Variants in NTRK3 observed in about 807,000 individuals in gnomAD.
NTRK3 encodes NT-3 growth factor receptor.
A neutral mutation model predicts 91.7 loss-of-function variants in NTRK3; 24 were observed. The ratio of observed to expected loss-of-function variants is 0.26; its 90% confidence interval spans 0.19 to 0.37. The LOEUF (loss-of-function observed/expected upper bound fraction) is 0.37, where lower values mean the gene tolerates loss of function less well. Ranked by LOEUF, NTRK3 falls within the 10% of genes least tolerant of loss-of-function variation. NTRK3 has a pLI of 1.00. For missense variants in NTRK3, 880 were observed against 1,068.9 expected (o/e 0.82, Z 2.46); for synonymous variants, 483 against 404.0 (o/e 1.20, Z -2.34).
At chr15:88,147,834 T>C (rs938709111) in intron 5 of NTRK3, among the ~76,000 whole-genome samples, 1 of 152,142 alleles carries the variant, frequency 6.6e-6, no homozygotes, top group African/African-American at 2.4e-5. Context: ...TACAATTCCT[T>C]TTAGCCAGTG....
intron 14 of NTRK3, among the ~76,000 whole-genome samples, chr15:88,025,047 CCACACA>C (rs147158442): frequency 6.6e-6 from 1 of 150,790 alleles, no homozygotes; most frequent in East Asian, 1.9e-4. Flanking sequence ...ACGTGTGTGG[CCACACA>C]CACACACACA....
intron 13 of NTRK3, among the ~76,000 whole-genome samples, chr15:88,112,073 A>C (rs971701754): frequency 6.6e-6 from 1 of 151,732 alleles, no homozygotes; most frequent in Non-Finnish European, 1.5e-5. Flanking sequence ...CGCCCAGCTA[A>C]TTTTTTGTAT....
intron 3 of NTRK3, among the ~76,000 whole-genome samples, chr15:88,227,215 G>C (rs2050750183): frequency 6.6e-6 from 1 of 151,936 alleles, no homozygotes; most frequent in Non-Finnish European, 1.5e-5. Context: ...CCATCCACTG[G>C]CTCTTCCTTT....
intron 14 of NTRK3, among the ~76,000 whole-genome samples, chr15:88,004,440 C>G (rs945587943): frequency 3.9e-5 from 6 of 152,082 alleles, no homozygotes; most frequent in East Asian, 3.9e-4. Context: ...AATGGAAAAT[C>G]CAAACCATTC....
At chr15:87,868,159 T>TTG (rs139054301) in exon 19 of NTRK3, 12 of 230,640 alleles carry the variant, frequency 5.2e-5, no homozygotes, top group East Asian at 1.8e-4. Context: ...GTGGAGGCTT[T>TTG]TGTGTGTGTG....
intron 13 of NTRK3, among the ~76,000 whole-genome samples, chr15:88,076,920 C>T (rs1158130203): frequency 6.6e-6 from 1 of 152,038 alleles, no homozygotes; most frequent in East Asian, 1.9e-4. Flanking sequence ...TGGTGAAACC[C>T]CCACCTCTAC....
At chr15:87,981,342 T>A in intron 14 of NTRK3, 1 of 1,612,672 alleles carries the variant, frequency 6.2e-7, no homozygotes, top group East Asian at 2.2e-5. Context: ...CCCATGATTG[T>A]CTATGTTTGA....
At chr15:88,135,513 G>A (rs2041789862) in intron 9 of NTRK3, 116 bp from the exon 10 acceptor site, 4 of 1,190,704 alleles carry the variant, frequency 3.4e-6, no homozygotes, top group Admixed American at 4.0e-5. Flanking sequence ...TGAAAAGGCT[G>A]AGGGAAGCAG....
At chr15:88,111,609 C>CAG (rs150755788) in intron 13 of NTRK3, among the ~76,000 whole-genome samples, 146 of 152,282 alleles carry the variant, frequency 9.6e-4, no homozygotes, top group African/African-American at 3.4e-3. Flanking sequence ...CTAAGGTTCC[C>CAG]AGCAGCCCTA....
At chr15:87,900,798 C>A (rs1476084876) in intron 17 of NTRK3, among the ~76,000 whole-genome samples, 2 of 151,644 alleles carry the variant, frequency 1.3e-5, no homozygotes, top group Non-Finnish European at 2.9e-5. Flanking sequence ...TAGTTTGCAT[C>A]ATACCTCCTG....
chr15:87,968,186 T>A (rs1431447813), intron 14 of NTRK3, among the ~76,000 whole-genome samples: 1 of 152,228 alleles, frequency 6.6e-6, no homozygotes, highest in Non-Finnish European at 1.5e-5. Context: ...ATGGAATGTG[T>A]GTGTATACTT....
At chr15:88,075,121 C>G (rs150470812) in intron 13 of NTRK3, among the ~76,000 whole-genome samples, 5 of 152,306 alleles carry the variant, frequency 3.3e-5, no homozygotes, top group African/African-American at 9.6e-5. Flanking sequence ...TTGGAACCTA[C>G]ATGTAAACTG....
At chr15:88,048,338 C>G (rs1209771833) in intron 13 of NTRK3, among the ~76,000 whole-genome samples, 1 of 152,152 alleles carries the variant, frequency 6.6e-6, no homozygotes, top group East Asian at 1.9e-4. Flanking sequence ...GGCAAAGTCC[C>G]ATATTCCTGA....
At chr15:88,082,760 G>T (rs74841635) in intron 13 of NTRK3, among the ~76,000 whole-genome samples, 7,710 of 152,254 alleles carry the variant, frequency 0.051, 235 homozygotes, top group African/African-American at 0.07. Context: ...GAGACCTACA[G>T]GTCCCACTAA....
chr15:88,047,387 TG>T lies in NTRK3; in HGVS notation c.1397-14343del. Among the ~76,000 whole-genome samples the T allele has an allele frequency of 4.6e-5, 7 of 152,168 alleles. 1 individual carries two copies. The Middle Eastern group carries it at 0.02, about 444-fold the overall frequency. On this transcript the variant is annotated intron_variant, in intron 13 of 18. Transcript: ENST00000394480. ...CCCCAAAAAGGTGCGGTGAGGTAGA[TG>T]GTGGGGAGATTCTATAGTAGTGAGT...
At chr15:87,932,671 A>G (rs2068908725) in intron 16 of NTRK3, among the ~76,000 whole-genome samples, 1 of 152,196 alleles carries the variant, frequency 6.6e-6, no homozygotes, top group African/African-American at 2.4e-5. Context: ...TATTTGCAAC[A>G]TCAGAGAAGG....
At chr15:88,192,449 C>G (rs186625953) in intron 3 of NTRK3, among the ~76,000 whole-genome samples, 4 of 152,264 alleles carry the variant, frequency 2.6e-5, no homozygotes, top group Non-Finnish European at 5.9e-5. Flanking sequence ...TCAATGCTCC[C>G]GGTAACCACC....
intron 12 of NTRK3, among the ~76,000 whole-genome samples, chr15:88,126,927 A>G (rs1167167480): frequency 1.3e-5 from 2 of 152,194 alleles, no homozygotes; most frequent in Non-Finnish European, 2.9e-5. Flanking sequence ...GGCTCCTAAC[A>G]GACTGGGGAT....
At position 88,089,035 on chromosome 15, in the gene NTRK3, C is replaced by T. The variant is rs1182260271; in HGVS notation, c.1396+37236G>A. 2.6e-5 allele frequency among the ~76,000 whole-genome samples: 4 copies of T among 152,156 alleles called. No individual in the cohort carries two copies. In the East Asian group the frequency reaches 5.8e-4, roughly 22 times the overall value. ...AAAGAAAGCTGACTAGTTTCAACTC[C>T]TCAGCCATCATCATCATCTTCATCA... On this transcript the variant is annotated intron_variant, in intron 13 of 18. Transcript: ENST00000394480.
Sources: allele counts gnomAD v4.1 joint callset (sites outside exome capture counted in the v4.1 genomes callset), GRCh38; gene constraint gnomAD v4.1.1; transcripts MANE v1.5; gene names NCBI Gene and HGNC (gene_info 2026-07-23, HGNC 2026-07-21).